XBP1: variants seen among roughly 807,000 people sequenced by gnomAD.
XBP1 encodes X-box-binding protein 1.
In XBP1, 18 loss-of-function variants were observed where a neutral mutation model predicts 34.6. The ratio of observed to expected loss-of-function variants is 0.52; its 90% CI spans 0.36 to 0.77. The LOEUF (loss-of-function observed/expected upper bound fraction) is 0.77, where lower values mean the gene tolerates loss of function less well. Among genes scored for constraint, XBP1 ranks in the 30% least tolerant of loss-of-function variants. The probability of loss-of-function intolerance (pLI) is 0.00; values close to 1 mark genes in which losing one functional copy is unlikely to be tolerated. For missense variants in XBP1, 422 were observed against 464.6 expected, an observed-to-expected ratio of 0.91 and a Z score of 0.84; for synonymous variants, 191 against 193.4, an observed-to-expected ratio of 0.99 and a Z score of 0.11.
exon 5 of XBP1, chr22:28,796,075 G>C: frequency 6.2e-7 from 1 of 1,614,192 alleles, no homozygotes; most frequent in Non-Finnish European, 8.5e-7. Context: ...AATACCGCCA[G>C]AATCCATGGG....
intron 1 of XBP1, among the ~76,000 whole-genome samples, 195 bp from the exon 2 acceptor site, chr22:28,799,348 T>G (rs1343599177): frequency 1.3e-5 from 2 of 152,222 alleles, no homozygotes; most frequent in Admixed American, 1.3e-4. Context: ...CTCGAAGACC[T>G]GCTTTATTCT....
intron 3 of XBP1, chr22:28,796,555 T>TC: frequency 5.2e-6 from 1 of 190,566 alleles, no homozygotes; most frequent in Admixed American, 5.3e-5. Flanking sequence ...GTCCTGAACA[T>TC]TACCTTCACA....
At chr22:28,795,513 C>A in exon 6 of XBP1, 1 of 1,614,208 alleles carries the variant, frequency 6.2e-7, no homozygotes, top group Non-Finnish European at 8.5e-7. Flanking sequence ...ATCTCTAAGA[C>A]TAGGGGCTTG....
intron 1 of XBP1, 42 bp from the exon 2 acceptor site, chr22:28,799,195 C>T (rs779286988): frequency 6.7e-7 from 1 of 1,486,716 alleles, no homozygotes; most frequent in Non-Finnish European, 9.3e-7. Context: ...CATATCAAAC[C>T]TTATTTATGT....
chr22:28,794,861 G>T (rs1601435896), downstream of XBP1: 3 of 214,680 alleles, frequency 1.4e-5, no homozygotes, highest in East Asian at 1.9e-4. Context: ...CAAGACATTT[G>T]TCTAATGACC....
chr22:28,800,547 A>ACCGCGCG (rs1344310890), upstream of XBP1: 5 of 1,472,242 alleles, frequency 3.4e-6, no homozygotes, highest in Non-Finnish European at 4.5e-6. Context: ...CGCACCGCGC[A>ACCGCGCG]CCGCGCGCCG....
exon 6 of XBP1, chr22:28,795,725 A>G: frequency 3.9e-6 from 6 of 1,532,874 alleles, no homozygotes; most frequent in South Asian, 1.3e-5. Flanking sequence ...GCCCAACAGG[A>G]TATCAGACTG....
exon 6 of XBP1, chr22:28,795,688 C>T (rs976661793): frequency 2.5e-6 from 4 of 1,569,178 alleles, no homozygotes; most frequent in Non-Finnish European, 3.4e-6. Context: ...ATTTGAAGAA[C>T]ATGACTGGGT....
chr22:28,797,797 G>GATA (rs148051775), intron 2 of XBP1, among the ~76,000 whole-genome samples: 1,936 of 150,008 alleles, frequency 0.013, 45 homozygotes, highest in African/African-American at 0.043. Flanking sequence ...TAATGATGAT[G>GATA]ATAATAATAA....
intron 2 of XBP1, chr22:28,798,787 T>TTC (rs1423598825): frequency 5.2e-6 from 1 of 193,826 alleles, no homozygotes; most frequent in East Asian, 1.2e-4. Flanking sequence ...TTTTTTTTTT[T>TTC]TGGTATATTT....
At chr22:28,797,818 A>G (rs1431846826) in intron 2 of XBP1, among the ~76,000 whole-genome samples, 1 of 151,308 alleles carries the variant, frequency 6.6e-6, no homozygotes, top group African/African-American at 2.4e-5. Flanking sequence ...TAATAATAAT[A>G]TAAAATAAAA....
intron 5 of XBP1, 152 bp from the exon 6 acceptor site, chr22:28,795,884 T>G: frequency 4.0e-6 from 5 of 1,241,426 alleles, no homozygotes; most frequent in Non-Finnish European, 4.5e-6. Context: ...TACACTTCAC[T>G]CCATGTTCTA....
rs1569205679 is a variant in XBP1, at chr22:28,800,368, CG to C, written c.156del (p.Ser52ArgfsTer16). 6.5e-7 allele frequency: 1 copy of C among 1,541,500 alleles called. No homozygotes were observed. The highest frequency in any genetic ancestry group is 1.9e-5 in the Admixed American group (1 of 51,456). ...CGCTTGCGCGCCTGGGGCAGCCCCC[CG>C]CTCGCTGCCTCCGGGCTGGCCCCTC... On this transcript the variant is annotated frameshift_variant, in exon 1 of 6. Transcript: ENST00000344347. LOFTEE classifies it high-confidence loss of function.
At chr22:28,795,951 ACT>A in intron 5 of XBP1, 94 bp downstream of exon 5, 1 of 1,525,884 alleles carries the variant, frequency 6.6e-7, no homozygotes. Flanking sequence ...CCAAAAACTA[ACT>A]TCAACCCTCA....
chr22:28,795,838 A>G (rs775748255), intron 5 of XBP1, 106 bp from the exon 6 acceptor site: 31 of 1,322,176 alleles, frequency 2.3e-5, no homozygotes, highest in Non-Finnish European at 2.9e-5. Context: ...TCATTATGTG[A>G]TAAGATGACC....
chr22:28,795,844 T>G (rs1443488347), intron 5 of XBP1, 112 bp from the exon 6 acceptor site: 21 of 1,287,194 alleles, frequency 1.6e-5, no homozygotes, highest in Admixed American at 2.6e-5. Flanking sequence ...TGTGATAAGA[T>G]GACCTCGGGA....
At chr22:28,799,011 G>A (rs750439557) in intron 2 of XBP1, 46 bp downstream of exon 2, 1 of 1,468,170 alleles carries the variant, frequency 6.8e-7, no homozygotes, top group Non-Finnish European at 9.5e-7. Context: ...ATTCACCAAG[G>A]AAGGGTATAC....
exon 2 of XBP1, chr22:28,799,092 C>T: frequency 6.2e-7 from 1 of 1,614,150 alleles, no homozygotes; most frequent in Non-Finnish European, 8.5e-7. Flanking sequence ...TGTTCCAGCT[C>T]ACTCATTCGA....
At chr22:28,797,294 T>C (rs571326514) in intron 2 of XBP1, 89 bp from the exon 3 acceptor site, 1 of 1,459,750 alleles carries the variant, frequency 6.9e-7, no homozygotes, top group Non-Finnish European at 9.3e-7. Flanking sequence ...TTCCTTTCCT[T>C]CTTGAACTTT....
Sources: gnomAD v4.1 joint callset for allele counts (sites outside exome capture counted in the v4.1 genomes callset) on GRCh38, gnomAD v4.1.1 for gene constraint, MANE v1.5 for transcripts, NCBI Gene and HGNC (gene_info 2026-07-23, HGNC 2026-07-21) for gene names.